The following SYT14 variants were observed in gnomAD, a reference collection of about 807,000 sequenced individuals.
SYT14 encodes synaptotagmin 14, also known as synaptotagmin-14.
A neutral mutation model predicts 74.2 loss-of-function variants in SYT14; 32 were observed. That is an observed-to-expected ratio of 0.43 (90% CI 0.33 to 0.58). SYT14 has a LOEUF of 0.58. SYT14 is among the 20% of genes least tolerant of loss of function. The pLI is 0.05. For synonymous variants in SYT14, 298 were observed against 337.7 expected (o/e 0.88, Z 1.29); for missense variants, 791 against 981.8 (o/e 0.81, Z 2.60).
intron 2 of SYT14, among the ~76,000 whole-genome samples, chr1:210,002,640 T>C (rs2079922040): frequency 6.6e-6 from 1 of 152,132 alleles, no homozygotes; most frequent in Non-Finnish European, 1.5e-5. Flanking sequence ...TTTTGGCCAT[T>C]CTGGAATAGT....
chr1:210,162,417 T>C (rs776516271), exon 10 of SYT14: 5 of 394,308 alleles, frequency 1.3e-5, no homozygotes, highest in South Asian at 7.8e-5. Flanking sequence ...TCATTTGTTT[T>C]TATATTTAGG....
Position 210,042,233 on chromosome 1 carries a change from A to G in SYT14, c.1312+20979A>G, listed in dbSNP as rs565246193. Among the ~76,000 whole-genome samples, 7 of 152,006 alleles carry G rather than the reference A, an allele frequency of 4.6e-5. No homozygotes were observed. The South Asian group carries it at 1.5e-3, about 32-fold the overall frequency. On this transcript the variant is annotated intron_variant, in intron 5 of 9. Transcript: ENST00000637265. ...ATAAAGCAAAATTAAATTTACAAACACATTTCCTAAAACCAAAAGCACAGT... is the reference window on the plus strand; with the variant it reads ...ATAAAGCAAAATTAAATTTACAAACGCATTTCCTAAAACCAAAAGCACAGT...
chr1:210,124,850 C>T (rs1297248622), intron 7 of SYT14, among the ~76,000 whole-genome samples: 1 of 151,570 alleles, frequency 6.6e-6, no homozygotes, highest in African/African-American at 2.4e-5. Flanking sequence ...ATTCCCAGCC[C>T]TTTCTAGTTT....
intron 5 of SYT14, among the ~76,000 whole-genome samples, chr1:210,038,321 T>TG (rs2080713536): frequency 2.6e-5 from 4 of 152,050 alleles, no homozygotes; most frequent in Admixed American, 2.6e-4. Context: ...TCCAGATAGG[T>TG]GGGTTTCTTG....
At chr1:209,943,363 G>T (rs569863200) in intron 1 of SYT14, among the ~76,000 whole-genome samples, 35 of 151,968 alleles carry the variant, frequency 2.3e-4, no homozygotes, top group Middle Eastern at 3.4e-3. Context: ...AACTTAGCTG[G>T]GTGTAGTGGC....
At chr1:210,120,397 T>TCTC (rs1160599729) in intron 7 of SYT14, among the ~76,000 whole-genome samples, 1 of 150,628 alleles carries the variant, frequency 6.6e-6, no homozygotes, top group Non-Finnish European at 1.5e-5. Flanking sequence ...ATAGGGTCAC[T>TCTC]CTGTTAGGCT....
rs546768210 is a variant in SYT14 at position 210,132,430 on chromosome 1, G to A, written c.2035-23291G>A. ...TTATTTTAAGCTCAGGGGTACATGT[G>A]CAGGTTTGTTGTATAGGTAAACTTG... On this transcript the variant is annotated intron_variant, in intron 7 of 9. Coordinates refer to ENST00000637265, the Ensembl canonical transcript of SYT14. Among the ~76,000 whole-genome samples, 8 of 152,166 alleles carry A rather than the reference G, an allele frequency of 5.3e-5. 1 individual carries two copies. The South Asian group carries it at 1.7e-3, about 32-fold the overall frequency.
chr1:210,088,745 C>T (rs2081796557), intron 5 of SYT14, among the ~76,000 whole-genome samples: 1 of 151,870 alleles, frequency 6.6e-6, no homozygotes, highest in Admixed American at 6.6e-5. Flanking sequence ...GAAGTGGATT[C>T]TTAGACCATT....
chr1:210,111,118 A>G (rs1357943438), intron 7 of SYT14, among the ~76,000 whole-genome samples: 2 of 152,248 alleles, frequency 1.3e-5, no homozygotes, highest in African/African-American at 2.4e-5. Context: ...AGAGACCACC[A>G]AACAGGCTTT....
intron 5 of SYT14, among the ~76,000 whole-genome samples, chr1:210,078,655 T>C (rs2081559887): frequency 6.6e-6 from 1 of 152,056 alleles, no homozygotes; most frequent in South Asian, 2.1e-4. Flanking sequence ...AAAAAAGTCA[T>C]GAAAACATGT....
At chr1:210,149,211 GT>G (rs1311608800) in intron 7 of SYT14, among the ~76,000 whole-genome samples, 2 of 128,542 alleles carry the variant, frequency 1.6e-5, no homozygotes, top group South Asian at 4.8e-4. Context: ...TTGAGATGGA[GT>G]CTCACTCTGT....
intron 6 of SYT14, among the ~76,000 whole-genome samples, chr1:210,096,492 A>C (rs1348632083): frequency 1.3e-5 from 2 of 152,212 alleles, no homozygotes; most frequent in Non-Finnish European, 2.9e-5. Flanking sequence ...ATAAGCTGTA[A>C]GTGAGTATCG....
chr1:210,043,138 G>A lies in SYT14; in HGVS notation c.1312+21884G>A, dbSNP rs143661795. Among the ~76,000 whole-genome samples, 484 of 152,234 alleles carry A rather than the reference G, an allele frequency of 3.2e-3. 6 individuals carry two copies. Among genetic ancestry groups the A allele is most frequent in the African/African-American group, 0.011 (468 of 41,550 alleles). The stretch of plus-strand genomic sequence containing the variant: ...CAGTTGTGAATGGGAGTTCACTCAT[G>A]ATTTGGCTCTCTGCAGGGGCAGATT... On this transcript the variant is annotated intron_variant, in intron 5 of 9. Coordinates refer to ENST00000637265, the Ensembl canonical transcript of SYT14.
At chr1:210,169,935 CCTTCTTTCTTT>C (rs2083505330) in exon 10 of SYT14, 1 of 151,760 alleles carries the variant, frequency 6.6e-6, no homozygotes, top group Non-Finnish European at 1.5e-5. Flanking sequence ...TTTCTTCCTT[CCTTCTTTCTTT>C]CCTTTCTTCC....
At chr1:210,117,232 A>G (rs945060097) in intron 7 of SYT14, among the ~76,000 whole-genome samples, 1 of 152,068 alleles carries the variant, frequency 6.6e-6, no homozygotes, top group African/African-American at 2.4e-5. Flanking sequence ...AAATCACTTC[A>G]GTTTGATGTT....
chr1:210,119,743 T>TA (rs2082422258), intron 7 of SYT14, among the ~76,000 whole-genome samples: 2 of 152,192 alleles, frequency 1.3e-5, no homozygotes, highest in Non-Finnish European at 2.9e-5. Flanking sequence ...GAGCTCCTGT[T>TA]AGAGTAAAAT....
At chr1:209,953,714 A>G (rs914942191) in intron 2 of SYT14, among the ~76,000 whole-genome samples, 1 of 152,310 alleles carries the variant, frequency 6.6e-6, no homozygotes, top group Admixed American at 6.5e-5. Flanking sequence ...TTATGTGACT[A>G]TTGTTGACAT....
At chr1:210,015,740 T>C (rs1010386761) in exon 4 of SYT14, 5 of 368,550 alleles carry the variant, frequency 1.4e-5, no homozygotes, top group Non-Finnish European at 2.1e-5. Flanking sequence ...GCTGCTGTTA[T>C]AATAGCTGTG....
exon 5 of SYT14, chr1:210,021,151 G>C (rs1259295673): frequency 6.2e-7 from 1 of 1,613,888 alleles, no homozygotes; most frequent in Non-Finnish European, 8.5e-7. Context: ...GACTACCACT[G>C]GCAGATTCTA....
Sources: allele counts gnomAD v4.1 joint callset (sites outside exome capture counted in the v4.1 genomes callset), GRCh38; gene constraint gnomAD v4.1.1; transcripts MANE v1.5; gene names NCBI Gene and HGNC (gene_info 2026-07-23, HGNC 2026-07-21).